Variants in MELK observed in about 807,000 individuals in gnomAD.
MELK encodes maternal embryonic leucine zipper kinase.
MELK carries 81 observed loss-of-function variants against 85.0 expected under a neutral mutation model. The ratio of observed to expected loss-of-function variants is 0.95; its 90% CI spans 0.80 to 1.15. MELK has a LOEUF of 1.15. Among genes scored for constraint, MELK ranks in the 50% most tolerant of loss-of-function variants. The probability of loss-of-function intolerance (pLI) is 0.00; values close to 1 mark genes in which losing one functional copy is unlikely to be tolerated. For missense variants in MELK, 754 were observed against 777.5 expected (o/e 0.97, Z 0.36); for synonymous variants, 252 against 265.0 (o/e 0.95, Z 0.48).
intron 9 of MELK, among the ~76,000 whole-genome samples, chr9:36,630,829 T>G (rs1011705930): frequency 2.0e-5 from 3 of 152,090 alleles, no homozygotes; most frequent in Non-Finnish European, 1.5e-5. Context: ...AATTTTTGTA[T>G]TTTTAGTAGA....
At chr9:36,615,574 C>T (rs1331377514) in intron 8 of MELK, among the ~76,000 whole-genome samples, 13 of 133,266 alleles carry the variant, frequency 9.8e-5, no homozygotes, top group Admixed American at 3.5e-4. Flanking sequence ...GGCTGCTGGG[C>T]GGAGAGGCTC....
intron 1 of MELK, among the ~76,000 whole-genome samples, chr9:36,580,797 C>T (rs979615075): frequency 3.3e-5 from 5 of 149,588 alleles, no homozygotes; most frequent in Middle Eastern, 3.4e-3. Flanking sequence ...GGCACGATGT[C>T]GGCTCACTGC....
intron 12 of MELK, among the ~76,000 whole-genome samples, chr9:36,653,824 T>G (rs1012722010): frequency 3.9e-5 from 6 of 152,148 alleles, no homozygotes; most frequent in African/African-American, 1.4e-4. Flanking sequence ...ACCTCTTTTA[T>G]GATCTTTTGT....
intron 8 of MELK, among the ~76,000 whole-genome samples, chr9:36,615,241 G>A (rs1444840562): frequency 3.0e-5 from 4 of 133,542 alleles, no homozygotes; most frequent in Admixed American, 1.4e-4. Context: ...CTGGCCAGGC[G>A]GGGGGCTGAC....
intron 5 of MELK, among the ~76,000 whole-genome samples, chr9:36,596,106 G>T (rs1162099759): frequency 1.3e-5 from 2 of 152,086 alleles, no homozygotes; most frequent in Admixed American, 1.3e-4. Flanking sequence ...GTGAGCCAGG[G>T]TACCTGGCCG....
In MELK at chr9:36,677,231, A is replaced by G. The variant is rs751020991; in HGVS notation, c.1850A>G (p.Gln617Arg). The change falls in exon 18 of 18, where the codon CAG becomes CGG. Residue 617 changes from glutamine to arginine, a missense_variant. Coordinates refer to ENST00000298048, the MANE Select transcript of MELK (RefSeq NM_014791.4). Reference protein sequence around the residue: ...VTMQFELEVCQLQKPDVVGIR... With the variant: ...VTMQFELEVCRLQKPDVVGIR... ...ATGCAATTTGAATTAGAAGTGTGCC[A>G]GCTTCAAAAACCCGATGTGGTGGGT... 7.4e-6 allele frequency: 12 copies of G among 1,614,056 alleles called. No individual in the cohort carries two copies. The highest frequency in any genetic ancestry group is 1.0e-5 in the Non-Finnish European group (12 of 1,180,020).
intron 7 of MELK, among the ~76,000 whole-genome samples, chr9:36,604,992 A>T (rs968757041): frequency 6.6e-6 from 1 of 151,896 alleles, no homozygotes; most frequent in Non-Finnish European, 1.5e-5. Context: ...CTTGTCCCCC[A>T]GGCTGGAGTG....
intron 10 of MELK, among the ~76,000 whole-genome samples, chr9:36,642,484 A>G (rs1829851622): frequency 7.5e-6 from 1 of 132,740 alleles, no homozygotes; most frequent in South Asian, 2.4e-4. Flanking sequence ...GCTGGAGTGC[A>G]GTGGCACAGT....
intron 9 of MELK, among the ~76,000 whole-genome samples, chr9:36,631,939 G>A (rs563269006): frequency 1.6e-4 from 24 of 152,280 alleles, no homozygotes; most frequent in African/African-American, 5.5e-4. Flanking sequence ...TGGGATTACA[G>A]GTATGAGCCA....
chr9:36,640,014 G>A (rs577472077), intron 10 of MELK, among the ~76,000 whole-genome samples: 1 of 152,218 alleles, frequency 6.6e-6, no homozygotes, highest in South Asian at 2.1e-4. Flanking sequence ...TTCTAGGAGC[G>A]GTCATAGTCA....
At chr9:36,636,782 T>TTCTGTCTGTCTGTCTGTCTGTCTGTCTG (rs1554728995) in intron 10 of MELK, among the ~76,000 whole-genome samples, 15 of 107,622 alleles carry the variant, frequency 1.4e-4, no homozygotes, top group African/African-American at 6.1e-4. Flanking sequence ...CTTTCTTTCT[T>TTCTGTCTGTCTGTCTGTCTGTCTGTCTG]TCTGTCTGTC....
chr9:36,607,213 T>G (rs1825642844), intron 7 of MELK, among the ~76,000 whole-genome samples: 1 of 152,376 alleles, frequency 6.6e-6, no homozygotes, highest in Non-Finnish European at 1.5e-5. Flanking sequence ...GTTTACATAA[T>G]CTTCATATGT....
chr9:36,640,247 C>T (rs1218041073), intron 10 of MELK, among the ~76,000 whole-genome samples: 1 of 151,940 alleles, frequency 6.6e-6, no homozygotes, highest in Admixed American at 6.6e-5. Context: ...TTGGGAAGTT[C>T]AAGATCAAGG....
intron 17 of MELK, among the ~76,000 whole-genome samples, chr9:36,675,244 A>G (rs1833248340): frequency 6.6e-6 from 1 of 152,244 alleles, no homozygotes; most frequent in Non-Finnish European, 1.5e-5. Flanking sequence ...AGATCACACC[A>G]CTGCACTCCA....
chr9:36,616,453 G>C (rs1372760590), intron 8 of MELK, among the ~76,000 whole-genome samples: 1 of 142,430 alleles, frequency 7.0e-6, no homozygotes, highest in Non-Finnish European at 1.5e-5. Context: ...GCAGTAGTGT[G>C]ATCTCGGCTC....
At chr9:36,658,528 A>G (rs1587595352) in intron 13 of MELK, among the ~76,000 whole-genome samples, 1 of 152,084 alleles carries the variant, frequency 6.6e-6, no homozygotes, top group African/African-American at 2.4e-5. Flanking sequence ...TTATTGTGAC[A>G]TTGCTCTTAC....
intron 2 of MELK, among the ~76,000 whole-genome samples, chr9:36,582,832 T>C (rs1457704048): frequency 6.6e-6 from 1 of 152,130 alleles, no homozygotes; most frequent in Non-Finnish European, 1.5e-5. Flanking sequence ...AGTTGCCCTT[T>C]GTTGAAAGGA....
chr9:36,664,336 G>A (rs569418947), intron 13 of MELK, among the ~76,000 whole-genome samples: 1 of 152,192 alleles, frequency 6.6e-6, no homozygotes, highest in South Asian at 2.1e-4. Context: ...TTTTTATGTA[G>A]GTTTATTTTT....
At chr9:36,601,042 TGA>T (rs1284814771) in intron 7 of MELK, among the ~76,000 whole-genome samples, 4 of 152,150 alleles carry the variant, frequency 2.6e-5, no homozygotes, top group East Asian at 3.8e-4. Context: ...TTGAATCATT[TGA>T]GAGTTAGCTA....
Sources: allele counts gnomAD v4.1 joint callset (sites outside exome capture counted in the v4.1 genomes callset), GRCh38; gene constraint gnomAD v4.1.1; transcripts MANE v1.5; gene names NCBI Gene and HGNC (gene_info 2026-07-23, HGNC 2026-07-21).